The following NAP1L4 variants were observed in gnomAD, a reference collection of about 807,000 sequenced individuals.
NAP1L4 encodes nucleosome assembly protein 1 like 4.
NAP1L4 carries 15 observed loss-of-function variants against 58.2 expected under a neutral mutation model. The observed-to-expected ratio is 0.26, with a 90% confidence interval of 0.17 to 0.40. The LOEUF is 0.40. Ranked by LOEUF, NAP1L4 falls within the 10% of genes least tolerant of loss-of-function variation. The pLI is 1.00. For missense variants in NAP1L4, 384 were observed against 451.1 expected (o/e 0.85, Z 1.35); for synonymous variants, 171 against 155.6 (o/e 1.10, Z -0.74).
chr11:2,970,424 TAA>T (rs879504449), intron 6 of NAP1L4, among the ~76,000 whole-genome samples: 2 of 143,210 alleles, frequency 1.4e-5, no homozygotes, highest in African/African-American at 5.1e-5. Flanking sequence ...TAAGTTGAAA[TAA>T]AAAAAAAAAA....
Position 2,951,617 on chromosome 11 carries a change from G to C in NAP1L4, c.1065+163C>G, listed in dbSNP as rs137953899. ...AACGATGGAAACTGTCACAGCATTT[G>C]CTATGCATTTCTGCTTAGTGTTTTA... On this transcript the variant is annotated intron_variant, in intron 13 of 15. Coordinates refer to ENST00000380542, the MANE Select transcript of NAP1L4 (RefSeq NM_005969.4). The surrounding 1 kb of genome is among the most constrained non-coding windows in gnomAD (Gnocchi z 4.0). 1.4e-3 allele frequency among the ~76,000 whole-genome samples: 209 copies of C among 152,328 alleles called. No individual in the cohort carries two copies. The highest frequency in any genetic ancestry group is 4.9e-3 in the African/African-American group (205 of 41,568).
intron 8 of NAP1L4, among the ~76,000 whole-genome samples, chr11:2,962,713 C>T (rs924210651): frequency 4.0e-5 from 6 of 151,598 alleles, no homozygotes; most frequent in African/African-American, 1.5e-4. Flanking sequence ...AACCAGAGCT[C>T]TAGTCTATGA....
rs527789899 is a variant in NAP1L4, at chr11:2,948,151, A to G, written c.*32+1076T>C. Among the ~76,000 whole-genome samples the G allele has an allele frequency of 1.2e-4, 18 of 152,358 alleles. No individual in the cohort carries two copies. Among genetic ancestry groups the G allele is most frequent in the African/African-American group, 4.1e-4 (17 of 41,582 alleles). On this transcript the variant is annotated intron_variant, in intron 15 of 15. Transcript: ENST00000380542. This position sits in a 1 kb window ranked among gnomAD's most constrained non-coding sequence, Gnocchi z 5.1. Reference sequence around the variant, plus strand: ...CAACAGGAATTAATGGCAGCTAGACATAATTTTAAACATACAGCCATATTC... The same window carrying G: ...CAACAGGAATTAATGGCAGCTAGACGTAATTTTAAACATACAGCCATATTC...
intron 3 of NAP1L4, 48 bp from the exon 4 acceptor site, chr11:2,976,171 C>A (rs1269671245): frequency 2.7e-6 from 4 of 1,464,292 alleles, no homozygotes; most frequent in Non-Finnish European, 2.8e-6. Flanking sequence ...CCACCACACA[C>A]AATAGCCAAG....
intron 3 of NAP1L4, among the ~76,000 whole-genome samples, chr11:2,977,133 A>C (rs1848010396): frequency 6.6e-6 from 1 of 152,250 alleles, no homozygotes; most frequent in African/African-American, 2.4e-5. Flanking sequence ...AAAACTGTGT[A>C]CACATGTGTA....
intron 1 of NAP1L4, among the ~76,000 whole-genome samples, chr11:2,985,969 C>T (rs1294114742): frequency 1.3e-5 from 2 of 152,146 alleles, no homozygotes; most frequent in African/African-American, 2.4e-5. Flanking sequence ...TTTCTTTGTA[C>T]CCCAAACAAC....
intron 4 of NAP1L4, among the ~76,000 whole-genome samples, chr11:2,973,481 A>G (rs942688971): frequency 6.6e-6 from 1 of 152,122 alleles, no homozygotes; most frequent in Admixed American, 6.5e-5. Flanking sequence ...CACTTGACTT[A>G]CCCTCCAACA....
chr11:2,961,450 G>A (rs2133937238), intron 8 of NAP1L4, among the ~76,000 whole-genome samples: 1 of 151,460 alleles, frequency 6.6e-6, no homozygotes, highest in East Asian at 1.9e-4. Context: ...GGCAGCTACA[G>A]GGAATCAGCA....
intron 10 of NAP1L4, among the ~76,000 whole-genome samples, chr11:2,957,489 C>T (rs1356425373): frequency 6.6e-6 from 1 of 152,138 alleles, no homozygotes; most frequent in Non-Finnish European, 1.5e-5. Context: ...GCCCTGTGGC[C>T]CCACATACAA....
chr11:2,968,616 T>C (rs1389423058), intron 7 of NAP1L4, among the ~76,000 whole-genome samples: 1 of 152,194 alleles, frequency 6.6e-6, no homozygotes, highest in African/African-American at 2.4e-5. Flanking sequence ...GTGATACATT[T>C]GTGAAAACCA....
chr11:2,977,214 G>C (rs1381554684), intron 3 of NAP1L4, among the ~76,000 whole-genome samples: 6 of 152,220 alleles, frequency 3.9e-5, no homozygotes, highest in African/African-American at 1.4e-4. Context: ...AAAGTTTGCT[G>C]AAGAGGAAGA....
intron 1 of NAP1L4, chr11:2,989,180 G>C (rs1351786436): frequency 6.6e-6 from 1 of 152,164 alleles, no homozygotes; most frequent in Admixed American, 6.5e-5. Flanking sequence ...GCAGTTTCCT[G>C]CAGAGATCAG....
chr11:2,987,495 C>T (rs1388466137), intron 1 of NAP1L4, among the ~76,000 whole-genome samples: 1 of 151,320 alleles, frequency 6.6e-6, no homozygotes, highest in Admixed American at 6.6e-5. Context: ...GTGGCTCACG[C>T]CTGTAATCCC....
In NAP1L4 at chr11:2,953,535, G is replaced by C. The variant is rs147479870; in HGVS notation, c.1035+992C>G. On this transcript the variant is annotated intron_variant, in intron 12 of 15. Coordinates refer to ENST00000380542, the MANE Select transcript of NAP1L4 (RefSeq NM_005969.4). ...ACTGGAAAGTGCTGGTCTAGAATTT[G>C]TAAAACTATGTCTTGGCAGCTACCT... 6.8e-4 allele frequency among the ~76,000 whole-genome samples: 103 copies of C among 152,354 alleles called. No individual in the cohort carries two copies. The Middle Eastern group carries it at 0.01, about 15-fold the overall frequency.
chr11:2,969,620 A>G (rs892082458), intron 7 of NAP1L4, among the ~76,000 whole-genome samples, 183 bp downstream of exon 7: 3 of 152,084 alleles, frequency 2.0e-5, no homozygotes, highest in Non-Finnish European at 2.9e-5. Flanking sequence ...TGGAAGCCCC[A>G]CTGTGAATAA....
chr11:2,964,840 T>A (rs1044656270), intron 7 of NAP1L4, 89 bp from the exon 8 acceptor site: 18 of 935,490 alleles, frequency 1.9e-5, no homozygotes, highest in African/African-American at 3.3e-5. Flanking sequence ...GGCTCCCAGA[T>A]GTTGCATAAC....
chr11:2,967,609 A>T (rs923667725), intron 7 of NAP1L4, among the ~76,000 whole-genome samples: 1 of 121,528 alleles, frequency 8.2e-6, no homozygotes, highest in African/African-American at 4.3e-5. Flanking sequence ...AGACTCCGTT[A>T]AAAAAAAAAA....
chr11:2,960,902 C>G (rs1053594931), intron 8 of NAP1L4, among the ~76,000 whole-genome samples: 6 of 152,316 alleles, frequency 3.9e-5, no homozygotes, highest in African/African-American at 1.2e-4. Flanking sequence ...TACGCTCAGA[C>G]AGCCTGGATT....
Position 2,972,979 on chromosome 11 carries a change from GA to G in NAP1L4, c.174-737del, listed in dbSNP as rs1008749506. ...GAGCAAGACCCTATCTTACCAAAAG[GA>G]AAAAAAAAAATTTATCCTAATCAAG... is the stretch of plus-strand genomic sequence containing the variant. On this transcript the variant is annotated intron_variant, in intron 4 of 15. Coordinates refer to ENST00000380542, the MANE Select transcript of NAP1L4 (RefSeq NM_005969.4). Among the ~76,000 whole-genome samples, 69 of 148,400 alleles carry G rather than the reference GA, an allele frequency of 4.6e-4. 1 individual carries two copies. Among genetic ancestry groups the G allele is most frequent in the South Asian group, 1.7e-3 (8 of 4,706 alleles).
Sources: allele counts gnomAD v4.1 joint callset (sites outside exome capture counted in the v4.1 genomes callset), GRCh38; gene constraint gnomAD v4.1.1; non-coding constraint Gnocchi (gnomAD v3.1); transcripts MANE v1.5; gene names NCBI Gene and HGNC (gene_info 2026-07-23, HGNC 2026-07-21).